Variants in STMN1 observed in about 807,000 individuals in gnomAD.
STMN1 encodes stathmin 1.
Under a neutral mutation model 19.7 loss-of-function variants are expected in STMN1, and 3 were observed. The ratio of observed to expected loss-of-function variants is 0.15; its 90% CI spans 0.07 to 0.39. The LOEUF (loss-of-function observed/expected upper bound fraction) is 0.39. STMN1 is among the 10% of genes least tolerant of loss of function. STMN1 has a pLI of 1.00. For synonymous variants in STMN1, 59 were observed against 58.9 expected, an observed-to-expected ratio of 1.00 and a Z score of -0.01; for missense variants, 99 against 176.0, an observed-to-expected ratio of 0.56 and a Z score of 2.48.
chr1:25,904,368 A>G (rs1035972694), intron 2 of STMN1, among the ~76,000 whole-genome samples: 1 of 152,194 alleles, frequency 6.6e-6, no homozygotes, highest in Non-Finnish European at 1.5e-5. Flanking sequence ...AAAGCTCAAC[A>G]TTTTTGGATT....
upstream of STMN1, chr1:25,906,778 C>A (rs1254842949): frequency 6.6e-6 from 1 of 152,586 alleles, no homozygotes; most frequent in African/African-American, 2.4e-5. The surrounding 1 kb of genome is among the most constrained non-coding windows in gnomAD (Gnocchi z 4.5). Context: ...GCGGGGGGGT[C>A]CTTCCCTACC....
At chr1:25,896,811 C>G (rs538995885), downstream of STMN1, among the ~76,000 whole-genome samples, 2 of 152,148 alleles carry the variant, frequency 1.3e-5, no homozygotes, top group Non-Finnish European at 2.9e-5. Context: ...TTCGTTTCAC[C>G]TGGGCAAAAA....
chr1:25,897,161 A>G (rs1327723161), downstream of STMN1, among the ~76,000 whole-genome samples: 1 of 151,828 alleles, frequency 6.6e-6, no homozygotes, highest in African/African-American at 2.4e-5. Flanking sequence ...AAGAATACAA[A>G]AATTAGCCAG....
chr1:25,903,945 T>C lies in STMN1; in HGVS notation c.14-132A>G, dbSNP rs7522492. 2,973 of 959,228 alleles carry C rather than the reference T, an allele frequency of 3.1e-3. 61 individuals carry two copies. In the African/African-American group the frequency reaches 0.045, roughly 14 times the overall value. The allele number at this position is 959,228 out of a possible 1,614,324, so 59.4% of individuals were successfully genotyped here. ...CTGATGAGGAAAGTTGTGTTTTTTT[T>C]CCCCTTTTTATTCCTATCAGTCTAC... On this transcript the variant is annotated intron_variant, in intron 2 of 4. Transcript: ENST00000455785.
chr1:25,894,853 T>C (rs916953952), intron 4 of STMN1, among the ~76,000 whole-genome samples: 7 of 151,376 alleles, frequency 4.6e-5, no homozygotes, highest in African/African-American at 1.7e-4. Flanking sequence ...ATTACAGGTG[T>C]GTACCACCAC....
At chr1:25,885,961 G>C in intron 4 of STMN1, 2 of 1,401,890 alleles carry the variant, frequency 1.4e-6, no homozygotes, top group Non-Finnish European at 1.9e-6. Flanking sequence ...TAAAACAGTG[G>C]TTCTCAAACT....
At chr1:25,892,666 A>C in intron 4 of STMN1, 15 of 929,208 alleles carry the variant, frequency 1.6e-5, no homozygotes, top group Non-Finnish European at 1.9e-5. Flanking sequence ...CTGGGCCTCT[A>C]AACCAAACGC....
intron 4 of STMN1, among the ~76,000 whole-genome samples, chr1:25,891,654 C>T (rs562978697): frequency 6.6e-6 from 1 of 152,280 alleles, no homozygotes; most frequent in South Asian, 2.1e-4. Context: ...AAAGAAAGGC[C>T]AAAGACCCAG....
chr1:25,902,145 GAAA>G (rs1257806151), intron 3 of STMN1: 1 of 145,992 alleles, frequency 6.8e-6, no homozygotes, highest in Non-Finnish European at 1.5e-5. Context: ...AAAATACTGT[GAAA>G]ATGATATTCT....
chr1:25,892,548 C>G, intron 4 of STMN1: 2 of 984,084 alleles, frequency 2.0e-6, no homozygotes, highest in Non-Finnish European at 2.4e-6. Context: ...AGGGTAGATG[C>G]CACCACGGCT....
intron 4 of STMN1, among the ~76,000 whole-genome samples, chr1:25,886,930 A>C (rs2048726965): frequency 1.3e-5 from 2 of 151,476 alleles, no homozygotes; most frequent in South Asian, 4.2e-4. Flanking sequence ...CTCATCTGGG[A>C]CTCAGCTCAG....
intron 3 of STMN1, chr1:25,903,394 A>G (rs1239373369): frequency 1.7e-5 from 7 of 420,736 alleles, no homozygotes; most frequent in Non-Finnish European, 2.9e-5. Flanking sequence ...ACGACTTAAC[A>G]TTCCTGAAAC....
At chr1:25,903,619 T>C in intron 3 of STMN1, 22 bp downstream of exon 3, 1 of 1,609,078 alleles carries the variant, frequency 6.2e-7, no homozygotes, top group Non-Finnish European at 8.5e-7. Context: ...ATATCCTGCT[T>C]TCTGTGAATT....
chr1:25,899,994 G>T, downstream of STMN1: 2 of 727,080 alleles, frequency 2.8e-6, no homozygotes, highest in Non-Finnish European at 3.4e-6. Context: ...GAGAGGCAAA[G>T]CACTGACAAT....
chr1:25,906,863 C>G (rs2048959474), upstream of STMN1: 1 of 152,492 alleles, frequency 6.6e-6, no homozygotes, highest in African/African-American at 2.4e-5. This position sits in a 1 kb window ranked among gnomAD's most constrained non-coding sequence, Gnocchi z 4.5. Flanking sequence ...AGCACTCGGA[C>G]AGAGCAGTGC....
chr1:25,891,749 T>G (rs1262447882), intron 4 of STMN1, among the ~76,000 whole-genome samples: 1 of 152,152 alleles, frequency 6.6e-6, no homozygotes, highest in Non-Finnish European at 1.5e-5. Flanking sequence ...GTGAGCCCCC[T>G]GCTCTCCTCA....
chr1:25,885,351 C>T (rs2048712969), downstream of STMN1: 4 of 164,030 alleles, frequency 2.4e-5, no homozygotes. Flanking sequence ...TGTGTAGGGT[C>T]CTTCTCAGAA....
At chr1:25,901,920 G>C in intron 3 of STMN1, 1 of 278,422 alleles carries the variant, frequency 3.6e-6, no homozygotes, top group South Asian at 1.1e-4. Context: ...TGAGGCAGAA[G>C]AATTGCTTGA....
intron 4 of STMN1, among the ~76,000 whole-genome samples, chr1:25,887,812 G>C (rs867343384): frequency 6.6e-6 from 1 of 152,108 alleles, no homozygotes; most frequent in Non-Finnish European, 1.5e-5. Flanking sequence ...TCAGCCTCCT[G>C]AGTAGCTGGG....
Sources: allele counts gnomAD v4.1 joint callset (sites outside exome capture counted in the v4.1 genomes callset), GRCh38; gene constraint gnomAD v4.1.1; non-coding constraint Gnocchi (gnomAD v3.1); transcripts MANE v1.5; gene names NCBI Gene and HGNC (gene_info 2026-07-23, HGNC 2026-07-21).